Variants in CCNY observed in about 807,000 individuals in gnomAD.
CCNY encodes cyclin Y, also known as cyclin-Y.
A neutral mutation model predicts 42.8 loss-of-function variants in CCNY; 19 were observed. The ratio of observed to expected loss-of-function variants is 0.44; its 90% CI spans 0.31 to 0.65. The LOEUF (loss-of-function observed/expected upper bound fraction) is 0.65. Among genes scored for constraint, CCNY ranks in the 30% least tolerant of loss-of-function variants. The probability of loss-of-function intolerance (pLI) is 0.07; values close to 1 mark genes in which losing one functional copy is unlikely to be tolerated. For synonymous variants in CCNY, 165 were observed against 162.7 expected, an observed-to-expected ratio of 1.01 and a Z score of -0.11; for missense variants, 370 against 437.3, an observed-to-expected ratio of 0.85 and a Z score of 1.37.
At chr10:35,356,532 A>G (rs2135147412) in intron 1 of CCNY, among the ~76,000 whole-genome samples, 2 of 152,286 alleles carry the variant, frequency 1.3e-5, no homozygotes, top group South Asian at 2.1e-4. Flanking sequence ...CGTGCTTCAC[A>G]TGGGGTGGGT....
At chr10:35,334,489 T>A (rs763362089), upstream of CCNY, among the ~76,000 whole-genome samples, 2 of 152,160 alleles carry the variant, frequency 1.3e-5, no homozygotes, top group Non-Finnish European at 2.9e-5. Context: ...CACATGCAAG[T>A]GTAAATATGC....
chr10:35,411,884 A>G (rs550374566), intron 1 of CCNY, among the ~76,000 whole-genome samples: 31 of 152,374 alleles, frequency 2.0e-4, no homozygotes, highest in Admixed American at 1.8e-3. Context: ...TGGATTTGCT[A>G]TGATAACAAC....
Position 35,344,320 on chromosome 10 carries a change from G to A in CCNY, c.154+7113G>A, listed in dbSNP as rs184067725. ...TGGGAAGACCCGCATTCCAGATGAG[G>A]TTCTACTTTTACTGAGGGGCCTCCG... is the stretch of plus-strand genomic sequence containing the variant. On this transcript the variant is annotated intron_variant, in intron 1 of 9. Transcript: ENST00000374704. Among the ~76,000 whole-genome samples, 4 of 152,272 alleles carry A rather than the reference G, an allele frequency of 2.6e-5. No individual in the cohort carries two copies. The East Asian group carries it at 7.7e-4, about 29-fold the overall frequency.
chr10:35,451,038 T>C (rs1838904965), intron 1 of CCNY, among the ~76,000 whole-genome samples: 1 of 152,262 alleles, frequency 6.6e-6, no homozygotes, highest in South Asian at 2.1e-4. Flanking sequence ...TTTAAAACTT[T>C]ATCTATTTAT....
intron 1 of CCNY, among the ~76,000 whole-genome samples, chr10:35,477,901 C>T (rs1222264382): frequency 1.4e-5 from 2 of 147,854 alleles, no homozygotes; most frequent in African/African-American, 2.5e-5. Context: ...ATTGTCTCAG[C>T]CCAAAATCTC....
At chr10:35,431,858 C>T (rs1315310499) in intron 1 of CCNY, among the ~76,000 whole-genome samples, 1 of 151,966 alleles carries the variant, frequency 6.6e-6, no homozygotes, top group African/African-American at 2.4e-5. Context: ...TTTCTCCTAG[C>T]CTCTAAACCA....
intron 1 of CCNY, among the ~76,000 whole-genome samples, chr10:35,418,159 T>G (rs1177400894): frequency 6.6e-6 from 1 of 152,196 alleles, no homozygotes; most frequent in African/African-American, 2.4e-5. Flanking sequence ...GCCTAAATGC[T>G]CTCTTTTATA....
chr10:35,378,856 G>A (rs1227181336), intron 1 of CCNY, among the ~76,000 whole-genome samples: 1 of 152,180 alleles, frequency 6.6e-6, no homozygotes, highest in East Asian at 1.9e-4. Flanking sequence ...GGTGGAATGG[G>A]TACCTGTCCT....
intron 1 of CCNY, among the ~76,000 whole-genome samples, chr10:35,447,133 C>T (rs368208964): frequency 1.7e-4 from 26 of 152,082 alleles, no homozygotes; most frequent in Admixed American, 7.2e-4. Flanking sequence ...AAAAATTAGC[C>T]GGATGTGGTG....
At chr10:35,553,289 C>T in intron 8 of CCNY, 104 bp downstream of exon 8, 1 of 1,102,358 alleles carries the variant, frequency 9.1e-7, no homozygotes, top group Non-Finnish European at 1.3e-6. Context: ...AGAATGCATG[C>T]ATTTGACTGA....
rs60257114 is a variant in CCNY, at chr10:35,355,678, CAAAAAAAAAAAAAA to C, written c.154+18486_154+18499del. Among the ~76,000 whole-genome samples the C allele has an allele frequency of 3.8e-4, 22 of 57,418 alleles. 1 individual carries two copies. Among genetic ancestry groups the C allele is most frequent in the South Asian group, 3.0e-3 (3 of 990 alleles). The allele number at this position is 57,418 out of a possible 152,430, so 37.7% of individuals were successfully genotyped here. ...GGGCAACAGAGCAAGATACTGTCTC[CAAAAAAAAAAAAAA>C]AAAAAAAAAAAAAAGAGGAATGTTA... is the stretch of plus-strand genomic sequence containing the variant. On this transcript the variant is annotated intron_variant, in intron 1 of 9. Transcript: ENST00000374704.
At chr10:35,451,461 G>A (rs576739500) in intron 1 of CCNY, among the ~76,000 whole-genome samples, 2 of 152,232 alleles carry the variant, frequency 1.3e-5, no homozygotes, top group African/African-American at 4.8e-5. Flanking sequence ...GAAAGTTGGT[G>A]ATGAACAGAA....
In CCNY at chr10:35,398,950, T is replaced by G. The variant is rs570650457; in HGVS notation, c.154+61743T>G. On this transcript the variant is annotated intron_variant, in intron 1 of 9. Transcript: ENST00000374704. ...CTGACAGAGCTGCCCCTGTGAAGAATCAGACATACGCCGTGCTTGCTTTCC... is the reference window on the plus strand; with the variant it reads ...CTGACAGAGCTGCCCCTGTGAAGAAGCAGACATACGCCGTGCTTGCTTTCC... 5.9e-5 allele frequency among the ~76,000 whole-genome samples: 9 copies of G among 152,322 alleles called. No individual in the cohort carries two copies. In the East Asian group the frequency reaches 1.5e-3, roughly 26 times the overall value.
At chr10:35,501,394 G>T in intron 2 of CCNY, 107 bp from the exon 3 acceptor site, 1 of 851,436 alleles carries the variant, frequency 1.2e-6, no homozygotes, top group Non-Finnish European at 2.0e-6. Context: ...TGGGTATGTT[G>T]GTTGGTGGAA....
At chr10:35,436,503 G>A (rs969479524) in intron 1 of CCNY, among the ~76,000 whole-genome samples, 2 of 152,160 alleles carry the variant, frequency 1.3e-5, no homozygotes, top group Admixed American at 6.5e-5. Flanking sequence ...TGAGCTTGGG[G>A]CCCTGCTCCA....
intron 3 of CCNY, among the ~76,000 whole-genome samples, chr10:35,280,478 A>AGAAG (rs144433317): frequency 0.063 from 9,413 of 148,348 alleles, 403 homozygotes; most frequent in African/African-American, 0.12. Context: ...AAGGAAGGAA[A>AGAAG]GAAGGAAGGA....
intron 1 of CCNY, among the ~76,000 whole-genome samples, chr10:35,370,154 G>GTTTT (rs1227067609): frequency 7.0e-6 from 1 of 143,282 alleles, no homozygotes; most frequent in Non-Finnish European, 1.5e-5. Context: ...ACATATCCAT[G>GTTTT]TTTTTTTTTT....
intron 7 of CCNY, among the ~76,000 whole-genome samples, chr10:35,537,813 A>G (rs1358327147): frequency 2.0e-5 from 3 of 151,880 alleles, no homozygotes; most frequent in African/African-American, 7.3e-5. Flanking sequence ...GAGACTTTGG[A>G]CTGTGGATTT....
chr10:35,551,642 A>G (rs1841260602), intron 7 of CCNY, among the ~76,000 whole-genome samples: 1 of 152,196 alleles, frequency 6.6e-6, no homozygotes, highest in South Asian at 2.1e-4. Flanking sequence ...ACAGAGTTCT[A>G]CTATGGGAAA....
Sources: allele counts gnomAD v4.1 joint callset (sites outside exome capture counted in the v4.1 genomes callset), GRCh38; gene constraint gnomAD v4.1.1; transcripts MANE v1.5; gene names NCBI Gene and HGNC (gene_info 2026-07-23, HGNC 2026-07-21).